GRIP1: variants seen among roughly 807,000 people sequenced by gnomAD.
The protein encoded by GRIP1 is glutamate receptor-interacting protein 1.
GRIP1 carries 45 observed loss-of-function variants against 129.9 expected under a neutral mutation model. The ratio of observed to expected loss-of-function variants is 0.35; its 90% CI spans 0.27 to 0.44. The LOEUF (loss-of-function observed/expected upper bound fraction) is 0.44. GRIP1 is among the 20% of genes least tolerant of loss of function. The pLI is 1.00. For synonymous variants in GRIP1, 530 were observed against 520.8 expected (o/e 1.02, Z -0.24); for missense variants, 1,196 against 1,396.8 (o/e 0.86, Z 2.29).
At chr12:66,954,776 C>A (rs755926744) in intron 1 of GRIP1, among the ~76,000 whole-genome samples, 9 of 151,766 alleles carry the variant, frequency 5.9e-5, no homozygotes, top group Non-Finnish European at 1.2e-4. Context: ...GGCAGAGGGA[C>A]ACAGACATTT....
intron 1 of GRIP1, among the ~76,000 whole-genome samples, chr12:66,821,477 A>T (rs987300314): frequency 6.6e-6 from 1 of 152,182 alleles, no homozygotes; most frequent in African/African-American, 2.4e-5. Flanking sequence ...TTGCTTTGTG[A>T]TGTAAGAAAT....
At chr12:66,696,134 A>AT (rs937465290) in intron 1 of GRIP1, among the ~76,000 whole-genome samples, 158 of 149,980 alleles carry the variant, frequency 1.1e-3, no homozygotes, top group Admixed American at 2.1e-3. Context: ...TCAAAACCCC[A>AT]TTTTTTTTTT....
chr12:66,575,259 C>T (rs1274019672), intron 2 of GRIP1, among the ~76,000 whole-genome samples: 1 of 152,116 alleles, frequency 6.6e-6, no homozygotes, highest in Non-Finnish European at 1.5e-5. Flanking sequence ...TCTAAAAATT[C>T]ACCACCTTTT....
At chr12:66,455,268 C>G in intron 11 of GRIP1, 141 bp downstream of exon 11, 1 of 802,500 alleles carries the variant, frequency 1.2e-6, no homozygotes, top group South Asian at 1.4e-5. Context: ...CGGTCTTTGG[C>G]ACAGAGCTGT....
chr12:66,465,515 G>T, intron 7 of GRIP1, 93 bp from the exon 8 acceptor site: 1 of 1,108,756 alleles, frequency 9.0e-7, no homozygotes, highest in Non-Finnish European at 1.3e-6. Context: ...TTTGGTGTTA[G>T]CCTGTTAATT....
At chr12:66,835,297 C>T (rs994501897) in intron 1 of GRIP1, among the ~76,000 whole-genome samples, 7 of 152,114 alleles carry the variant, frequency 4.6e-5, no homozygotes, top group African/African-American at 1.7e-4. Flanking sequence ...TAAACATACT[C>T]TTACCATTTG....
At chr12:66,885,720 G>C (rs1329516800) in intron 1 of GRIP1, among the ~76,000 whole-genome samples, 1 of 152,112 alleles carries the variant, frequency 6.6e-6, no homozygotes, top group Non-Finnish European at 1.5e-5. Context: ...CTCCTCTAAA[G>C]CCTCAAGTCT....
intron 1 of GRIP1, among the ~76,000 whole-genome samples, chr12:66,753,378 A>C (rs981988407): frequency 1.3e-5 from 2 of 152,162 alleles, no homozygotes; most frequent in African/African-American, 4.8e-5. Flanking sequence ...TATTCTAAGG[A>C]TCTGGGACAT....
chr12:66,823,849 T>A (rs530907011), intron 1 of GRIP1, among the ~76,000 whole-genome samples: 1 of 151,910 alleles, frequency 6.6e-6, no homozygotes, highest in African/African-American at 2.4e-5. Context: ...AACCACACGC[T>A]TTTTACTGTC....
At chr12:66,854,190 C>T (rs577202227) in intron 1 of GRIP1, among the ~76,000 whole-genome samples, 3 of 151,908 alleles carry the variant, frequency 2.0e-5, no homozygotes, top group East Asian at 3.9e-4. Flanking sequence ...TGAAAACGTG[C>T]GACAAGACAG....
At chr12:66,999,646 G>A (rs1359530521) in intron 1 of GRIP1, among the ~76,000 whole-genome samples, 1 of 151,994 alleles carries the variant, frequency 6.6e-6, no homozygotes, top group Non-Finnish European at 1.5e-5. Context: ...CATCACCAAG[G>A]AAAAGTGTAA....
chr12:66,539,007 G>A, intron 4 of GRIP1, 71 bp downstream of exon 4: 4 of 1,252,488 alleles, frequency 3.2e-6, no homozygotes, highest in Non-Finnish European at 4.7e-6. Flanking sequence ...TTGGTATTAT[G>A]AGCAGTTTTA....
At chr12:66,920,333 C>T (rs960351106) in intron 1 of GRIP1, among the ~76,000 whole-genome samples, 4 of 152,094 alleles carry the variant, frequency 2.6e-5, no homozygotes, top group Non-Finnish European at 5.9e-5. Flanking sequence ...GTCTCCTGGC[C>T]CACTGGTATA....
chr12:66,553,057 A>G (rs183638029), intron 2 of GRIP1, among the ~76,000 whole-genome samples: 1 of 152,306 alleles, frequency 6.6e-6, no homozygotes, highest in Admixed American at 6.5e-5. Flanking sequence ...CAGGGAGGGT[A>G]CCATTCTCTC....
chr12:66,587,462 G>A (rs2063684533), intron 2 of GRIP1, among the ~76,000 whole-genome samples: 2 of 152,200 alleles, frequency 1.3e-5, no homozygotes, highest in African/African-American at 4.8e-5. Flanking sequence ...CTGACCTTAG[G>A]CCAGGCATTC....
intron 13 of GRIP1, among the ~76,000 whole-genome samples, chr12:66,442,554 C>G (rs1166120263): frequency 6.6e-6 from 1 of 152,098 alleles, no homozygotes; most frequent in East Asian, 1.9e-4. Context: ...TTTTTTGAGA[C>G]AGGGTCTCAC....
Position 66,420,741 on chromosome 12 carries a change from T to G in GRIP1, c.1817A>C (p.Lys606Thr), listed in dbSNP as rs757067556. ...TTACCTGTGTGCCACACTCCCTTTC[T>G]TGATATCTGAAATGACGAGGGGGTC... is the stretch of plus-strand genomic sequence containing the variant. Reference protein sequence around the residue: ...PGDPLVISDIKKGSVAHRTGT... With the variant: ...PGDPLVISDITKGSVAHRTGT... The change falls in exon 15 of 25, where the codon AAG becomes ACG. Residue 606 changes from lysine to threonine, a missense_variant. Transcript: ENST00000359742. The G allele has an allele frequency of 8.8e-6, 14 of 1,582,996 alleles. No homozygotes were observed. The Admixed American group carries it at 2.3e-4, about 26-fold the overall frequency.
At chr12:66,424,928 G>T (rs112665810) in intron 14 of GRIP1, among the ~76,000 whole-genome samples, 95 of 82,246 alleles carry the variant, frequency 1.2e-3, no homozygotes, top group African/African-American at 2.8e-3. Flanking sequence ...ACAAACCCTG[G>T]GAAACCCAGA....
At chr12:66,863,751 G>A (rs760217433) in intron 1 of GRIP1, among the ~76,000 whole-genome samples, 49 of 152,054 alleles carry the variant, frequency 3.2e-4, no homozygotes, top group Non-Finnish European at 6.2e-4. Flanking sequence ...TTAAAGAACT[G>A]GCTGTTTTTC....
Sources: allele counts gnomAD v4.1 joint callset (sites outside exome capture counted in the v4.1 genomes callset), GRCh38; gene constraint gnomAD v4.1.1; transcripts MANE v1.5; gene names NCBI Gene and HGNC (gene_info 2026-07-23, HGNC 2026-07-21).